QDPR: variants seen among roughly 807,000 people sequenced by gnomAD.
QDPR encodes the protein quinoid dihydropteridine reductase.
QDPR carries 23 observed loss-of-function variants against 31.7 expected under a neutral mutation model. That is an observed-to-expected ratio of 0.73 (90% confidence interval 0.52 to 1.03). The LOEUF (loss-of-function observed/expected upper bound fraction) is 1.03. Among genes scored for constraint, QDPR ranks in the 50% least tolerant of loss-of-function variants. The pLI is 0.00. For synonymous variants in QDPR, 124 were observed against 124.7 expected, an observed-to-expected ratio of 0.99 and a Z score of 0.03; for missense variants, 324 against 323.8, an observed-to-expected ratio of 1.00 and a Z score of 0.00.
intron 4 of QDPR, among the ~76,000 whole-genome samples, chr4:17,499,961 G>A (rs1268076233): frequency 6.6e-6 from 1 of 151,544 alleles, no homozygotes; most frequent in Non-Finnish European, 1.5e-5. Context: ...ACTTACAAGA[G>A]AGTCAAAAAG....
At chr4:17,501,663 G>A in intron 4 of QDPR, 56 bp downstream of exon 4, 1 of 1,603,730 alleles carries the variant, frequency 6.2e-7, no homozygotes, top group Non-Finnish European at 8.5e-7. Flanking sequence ...GTGCCCAGCA[G>A]CCCCAGCAAG....
At chr4:17,503,027 T>TA (rs1718626141) in intron 3 of QDPR, among the ~76,000 whole-genome samples, 4 of 152,202 alleles carry the variant, frequency 2.6e-5, no homozygotes, top group Admixed American at 6.5e-5. Context: ...ACACCATCAC[T>TA]CAGGAAGAAT....
intron 3 of QDPR, 43 bp from the exon 4 acceptor site, chr4:17,501,902 A>C (rs768732684): frequency 6.2e-7 from 1 of 1,613,034 alleles, no homozygotes; most frequent in Non-Finnish European, 8.5e-7. Context: ...CCAGGAAAGA[A>C]ACCAAAAGGT....
chr4:17,495,457 G>A (rs981543126), intron 4 of QDPR, among the ~76,000 whole-genome samples: 5 of 152,190 alleles, frequency 3.3e-5, no homozygotes, highest in South Asian at 2.1e-4. Context: ...TCTGGACTTC[G>A]AGGCCAGGGG....
At chr4:17,492,647 A>G in intron 4 of QDPR, 2 of 413,240 alleles carry the variant, frequency 4.8e-6, no homozygotes, top group South Asian at 6.2e-5. Flanking sequence ...GAGGCCAGGA[A>G]GAAAAGATAA....
Position 17,490,714 on chromosome 4 carries a change from A to G in QDPR, c.577T>C (p.Ser193Pro), listed in dbSNP as rs774675976. The stretch of plus-strand genomic sequence containing the variant: ...GAGCTGAAGTCAGCCTCAGGCATTG[A>G]TTTCCTGTTCATCGGGGTATCCAGG... ...VTLDTPMNRK[S>P]MPEADFSSWT... Residue 193 changes from serine to proline, a missense_variant, in exon 6 of 7, where the codon TCA (serine) becomes CCA (proline). Coordinates refer to ENST00000281243, the MANE Select transcript of QDPR (RefSeq NM_000320.3). The G allele has an allele frequency of 6.2e-7, 1 of 1,614,046 alleles. No homozygotes were observed. Among genetic ancestry groups the G allele is most frequent in the Non-Finnish European group, 8.5e-7 (1 of 1,179,960 alleles).
At chr4:17,499,529 G>C (rs1436388251) in intron 4 of QDPR, among the ~76,000 whole-genome samples, 6 of 152,188 alleles carry the variant, frequency 3.9e-5, no homozygotes, top group Non-Finnish European at 5.9e-5. Flanking sequence ...CTATAGCCAT[G>C]GACTTGTAAC....
intron 4 of QDPR, among the ~76,000 whole-genome samples, chr4:17,494,384 A>G (rs1011662338): frequency 1.3e-5 from 2 of 152,108 alleles, no homozygotes; most frequent in Non-Finnish European, 2.9e-5. Context: ...CCTCATTACC[A>G]TGCTACAGTC....
At chr4:17,507,335 C>T (rs570271405) in intron 2 of QDPR, among the ~76,000 whole-genome samples, 167 of 152,294 alleles carry the variant, frequency 1.1e-3, no homozygotes, top group Non-Finnish European at 1.9e-3. Context: ...GAAAATAAGG[C>T]GCTTCACATA....
chr4:17,489,144 G>A (rs2108985826), intron 6 of QDPR, among the ~76,000 whole-genome samples: 1 of 152,358 alleles, frequency 6.6e-6, no homozygotes, highest in South Asian at 2.1e-4. Flanking sequence ...GTGGATAGGT[G>A]AGTGAGAACG....
chr4:17,504,522 C>T (rs896885184), intron 2 of QDPR, 47 bp from the exon 3 acceptor site: 7 of 1,434,996 alleles, frequency 4.9e-6, no homozygotes, highest in Non-Finnish European at 6.9e-6. Context: ...GGTAAGCCAA[C>T]ACAGGCTAGC....
Position 17,486,960 on chromosome 4 carries a change from A to G in QDPR, c.*171T>C, listed in dbSNP as rs1717979900. ...AGTCTCGCATGTCTTTACTTCACAT[A>G]AATGTATTACACTGTCCTAGGAGAG... On this transcript the variant is annotated 3_prime_UTR_variant, in exon 7 of 7. Transcript: ENST00000281243. 1 of 650,040 alleles carries G rather than the reference A, an allele frequency of 1.5e-6. No individual in the cohort carries two copies. The highest frequency in any genetic ancestry group is 2.4e-5 in the Admixed American group (1 of 41,246). The allele number at this position is 650,040 out of a possible 1,614,324, so 40.3% of individuals were successfully genotyped here. A position where few individuals can be genotyped will look rare whatever the true frequency, so the allele number is the denominator to read the frequency against.
chr4:17,506,566 C>T (rs1718795154), intron 2 of QDPR, among the ~76,000 whole-genome samples: 1 of 152,224 alleles, frequency 6.6e-6, no homozygotes, highest in Admixed American at 6.5e-5. Flanking sequence ...ATCTGTTTGA[C>T]CTTGGACAAA....
chr4:17,488,207 G>A (rs1380589296), intron 6 of QDPR, among the ~76,000 whole-genome samples: 3 of 151,920 alleles, frequency 2.0e-5, no homozygotes, highest in Non-Finnish European at 4.4e-5. Flanking sequence ...GCTAGGGTAA[G>A]CCATGATCGT....
In QDPR at chr4:17,508,934, G is replaced by A. The variant is rs527285050; in HGVS notation, c.198+337C>T. Among the ~76,000 whole-genome samples, 444 of 152,206 alleles carry A rather than the reference G, an allele frequency of 2.9e-3. 1 individual carries two copies. The highest frequency in any genetic ancestry group is 0.01 in the Middle Eastern group (3 of 294). On this transcript the variant is annotated intron_variant, in intron 2 of 6. Coordinates refer to ENST00000281243, the MANE Select transcript of QDPR (RefSeq NM_000320.3). ...AGCACTTTGGGAGGCTAAGGCGGGCGGATCACAAGGTCAGGAGTTCAAGAT... is the reference window on the plus strand; with the variant it reads ...AGCACTTTGGGAGGCTAAGGCGGGCAGATCACAAGGTCAGGAGTTCAAGAT...
At chr4:17,493,743 T>C (rs1332239521) in intron 4 of QDPR, among the ~76,000 whole-genome samples, 1 of 152,130 alleles carries the variant, frequency 6.6e-6, no homozygotes, top group Admixed American at 6.6e-5. Flanking sequence ...TTATCACATC[T>C]GTAAGTTTTT....
At position 17,487,205 on chromosome 4, in the gene QDPR, G is replaced by A. The variant is rs779997983; in HGVS notation, c.661C>T (p.Arg221Ter). 10 of 1,613,970 alleles carry A rather than the reference G, an allele frequency of 6.2e-6. No homozygotes were observed. The highest frequency in any genetic ancestry group is 1.7e-5 in the Admixed American group (1 of 59,996). Residue 221 changes from arginine to a stop codon, truncating the protein, a stop_gained, in exon 7 of 7, where the codon CGA becomes TGA. Transcript: ENST00000281243. LOFTEE classifies it high-confidence loss of function. ...TGGATTAGGCTTCCTGAGCTCGGTC[G>A]GTTTTTCCCTGTGATCCAGTCATGG... ...TFHDWITGKN[R>*]PSSGSLIQVV...
intron 4 of QDPR, among the ~76,000 whole-genome samples, chr4:17,495,263 C>T (rs1212901808): frequency 6.6e-6 from 1 of 152,184 alleles, no homozygotes; most frequent in African/African-American, 2.4e-5. Context: ...CCTGTAAAGC[C>T]AGAGCCTGGA....
Position 17,503,594 on chromosome 4 carries a change from AG to A in QDPR, c.295+784del, listed in dbSNP as rs948532924. Among the ~76,000 whole-genome samples, 78 of 152,252 alleles carry A rather than the reference AG, an allele frequency of 5.1e-4. 3 individuals are homozygous for A. Among genetic ancestry groups the A allele is most frequent in the Non-Finnish European group, 1.8e-4 (12 of 68,040 alleles). On this transcript the variant is annotated intron_variant, in intron 3 of 6. Transcript: ENST00000281243. ...TTACTGAATCTAGATGGAGCATATA[AG>A]GGTGTTCATTGAACTGTTCTTTCAA...
Sources: allele counts gnomAD v4.1 joint callset (sites outside exome capture counted in the v4.1 genomes callset), GRCh38; gene constraint gnomAD v4.1.1; transcripts MANE v1.5; gene names NCBI Gene and HGNC (gene_info 2026-07-23, HGNC 2026-07-21).